Variants in ATG7 observed in about 807,000 individuals in gnomAD.
ATG7 encodes the protein ubiquitin-like modifier-activating enzyme ATG7.
In ATG7, 70 loss-of-function variants were observed where a neutral mutation model predicts 82.4. That is an observed-to-expected ratio of 0.85 (90% CI 0.70 to 1.04). The LOEUF is 1.04. Among genes scored for constraint, ATG7 ranks in the 50% least tolerant of loss-of-function variants. The probability of loss-of-function intolerance (pLI) is 0.00; values close to 1 mark genes in which losing one functional copy is unlikely to be tolerated. For missense variants in ATG7, 792 were observed against 864.3 expected (o/e 0.92, Z 1.05); for synonymous variants, 287 against 313.0 (o/e 0.92, Z 0.88).
At chr3:11,411,617 T>TC (rs2080902132) in intron 19 of ATG7, among the ~76,000 whole-genome samples, 1 of 17,380 alleles carries the variant, frequency 5.8e-5, no homozygotes, top group Non-Finnish European at 1.2e-4. Context: ...AGACTCTGTC[T>TC]CCAAAAAAAA....
rs1342224582 is a variant in ATG7 at position 11,360,731 on chromosome 3, C to T, written c.1630C>T (p.Pro544Ser). 1.9e-6 allele frequency: 3 copies of T among 1,614,060 alleles called. No homozygotes were observed. The highest frequency in any genetic ancestry group is 2.2e-5 in the South Asian group (2 of 91,082). Residue 544 changes from proline (P) to serine (S), a missense_variant, in exon 16 of 21, where the codon CCT becomes TCT. By Grantham distance (74) the Pro-to-Ser change is moderately conservative (BLOSUM62 -1). Transcript: ENST00000693202. Reference sequence around the variant, plus strand: ...GGGCTCATCGCTTTTTGCCAACATCCCTGGTTACAAGCTTGGCTGCTACTT... The same window carrying T: ...GGGCTCATCGCTTTTTGCCAACATCTCTGGTTACAAGCTTGGCTGCTACTT... ...LLGSSLFANI[P>S]GYKLGCYFCN...
chr3:11,328,881 G>A (rs751945396), intron 9 of ATG7, among the ~76,000 whole-genome samples: 4 of 152,194 alleles, frequency 2.6e-5, no homozygotes, highest in Non-Finnish European at 5.9e-5. Context: ...GAGGTCAGGC[G>A]TTCGAGACCA....
chr3:11,542,989 G>T (rs555960655), intron 20 of ATG7, among the ~76,000 whole-genome samples: 1 of 152,270 alleles, frequency 6.6e-6, no homozygotes, highest in Non-Finnish European at 1.5e-5. Flanking sequence ...GAGGTGGCAT[G>T]CCAGCCCACA....
At chr3:11,350,519 T>C (rs2075455628) in intron 14 of ATG7, among the ~76,000 whole-genome samples, 1 of 152,144 alleles carries the variant, frequency 6.6e-6, no homozygotes, top group Admixed American at 6.5e-5. Context: ...AAATCTAGGC[T>C]AAAGGAGGAA....
chr3:11,377,199 A>G (rs961435764), intron 18 of ATG7, among the ~76,000 whole-genome samples: 2 of 152,220 alleles, frequency 1.3e-5, no homozygotes, highest in Admixed American at 6.5e-5. Context: ...TCGGTTGAGA[A>G]GAAGGGTTTC....
intron 9 of ATG7, among the ~76,000 whole-genome samples, chr3:11,317,820 T>A (rs1476964494): frequency 6.6e-6 from 1 of 152,166 alleles, no homozygotes; most frequent in Non-Finnish European, 1.5e-5. Flanking sequence ...CTCAAACTCC[T>A]GACCTCGTGA....
chr3:11,575,242 T>A, the ATG7 span, among the ~76,000 whole-genome samples: 4 of 152,212 alleles, frequency 2.6e-5, no homozygotes, highest in African/African-American at 9.6e-5. Flanking sequence ...GCGGCCGCAC[T>A]GAGTGCTGTC....
chr3:11,452,944 T>C lies in ATG7; in HGVS notation c.2079+26018T>C, dbSNP rs568405590. 8.4e-4 allele frequency among the ~76,000 whole-genome samples: 128 copies of C among 152,326 alleles called. 1 individual carries two copies. The highest frequency in any genetic ancestry group is 6.7e-3 in the Admixed American group (102 of 15,302). ...GTTCCTATCTGCTGGAAGTGCACGA[T>C]TCCGTGGGCTGTAGCGAGCACAGTA... On this transcript the variant is annotated intron_variant, in intron 20 of 20. Transcript: ENST00000693202.
chr3:11,319,042 T>G (rs934810597), intron 9 of ATG7, among the ~76,000 whole-genome samples: 1 of 152,230 alleles, frequency 6.6e-6, no homozygotes, highest in Non-Finnish European at 1.5e-5. Flanking sequence ...TTGTCCCCAC[T>G]CTGCGTCCTC....
intron 20 of ATG7, among the ~76,000 whole-genome samples, chr3:11,474,822 G>T (rs1370558498): frequency 2.0e-5 from 3 of 152,124 alleles, no homozygotes; most frequent in Admixed American, 1.3e-4. Context: ...CATCCCATGT[G>T]AAGGCCTAAG....
chr3:11,471,741 A>ATTTT (rs148815680), intron 20 of ATG7, among the ~76,000 whole-genome samples: 22 of 30,396 alleles, frequency 7.2e-4, no homozygotes, highest in African/African-American at 2.8e-3. Flanking sequence ...GGCTTTTTAG[A>ATTTT]TTTCTTTTTT....
intron 15 of ATG7, 113 bp downstream of exon 15, chr3:11,358,725 A>G: frequency 8.7e-7 from 1 of 1,152,686 alleles, no homozygotes; most frequent in Non-Finnish European, 1.2e-6. Flanking sequence ...GTGACCTGGT[A>G]GCATAGTGCC....
chr3:11,564,691 T>TC, the ATG7 span: 3 of 1,277,440 alleles, frequency 2.3e-6, no homozygotes, highest in Non-Finnish European at 3.2e-6. Flanking sequence ...CCTCACCACC[T>TC]CCCTCCCTCA....
intron 17 of ATG7, among the ~76,000 whole-genome samples, chr3:11,364,361 C>T (rs966806880): frequency 2.6e-5 from 4 of 152,152 alleles, no homozygotes; most frequent in Non-Finnish European, 5.9e-5. Flanking sequence ...TAGTAGATTC[C>T]TCATTTATTA....
At chr3:11,397,645 T>G (rs1193087123) in intron 19 of ATG7, among the ~76,000 whole-genome samples, 1 of 151,594 alleles carries the variant, frequency 6.6e-6, no homozygotes, top group African/African-American at 2.4e-5. Flanking sequence ...TTAGTAGAGA[T>G]GGGGTTTCAC....
At chr3:11,471,820 A>T (rs1163826310) in intron 20 of ATG7, among the ~76,000 whole-genome samples, 1 of 140,078 alleles carries the variant, frequency 7.1e-6, no homozygotes, top group Non-Finnish European at 1.5e-5. Context: ...GCTCACTGCA[A>T]CCTCTGCCTC....
At chr3:11,470,784 G>A (rs1488648115) in intron 20 of ATG7, among the ~76,000 whole-genome samples, 1 of 152,188 alleles carries the variant, frequency 6.6e-6, no homozygotes, top group Admixed American at 6.5e-5. Context: ...CGAGCCAGGA[G>A]AGGAGATGGG....
chr3:11,504,379 C>T (rs895034480), intron 20 of ATG7, among the ~76,000 whole-genome samples: 2 of 152,198 alleles, frequency 1.3e-5, no homozygotes, highest in African/African-American at 4.8e-5. Flanking sequence ...GTCTCCTAGT[C>T]ACCCTATGCA....
intron 20 of ATG7, among the ~76,000 whole-genome samples, chr3:11,463,454 T>C (rs945582483): frequency 6.6e-6 from 1 of 152,192 alleles, no homozygotes; most frequent in African/African-American, 2.4e-5. Context: ...AACTTGGGAA[T>C]TTCTCCACCC....
Sources: gnomAD v4.1 joint callset for allele counts (sites outside exome capture counted in the v4.1 genomes callset) on GRCh38, gnomAD v4.1.1 for gene constraint, MANE v1.5 for transcripts, NCBI Gene and HGNC (gene_info 2026-07-23, HGNC 2026-07-21) for gene names.